Variants in PICALM observed in about 807,000 individuals in gnomAD.
PICALM encodes phosphatidylinositol binding clathrin assembly protein.
PICALM carries 40 observed loss-of-function variants against 80.5 expected under a neutral mutation model. The observed-to-expected ratio is 0.50, with a 90% CI of 0.39 to 0.65. PICALM has a LOEUF of 0.65. Ranked by LOEUF, PICALM falls within the 30% of genes least tolerant of loss-of-function variation. The pLI, the probability that PICALM is intolerant of heterozygous loss-of-function variation, is 0.00. For missense variants in PICALM, 676 were observed against 778.9 expected, an observed-to-expected ratio of 0.87 and a Z score of 1.57; for synonymous variants, 288 against 260.3, an observed-to-expected ratio of 1.11 and a Z score of -1.02.
chr11:86,033,700 A>T (rs185645201), intron 1 of PICALM, among the ~76,000 whole-genome samples: 1 of 152,258 alleles, frequency 6.6e-6, no homozygotes, highest in East Asian at 1.9e-4. Flanking sequence ...TTCTCTCTCA[A>T]TTAAAATGTT....
At position 85,957,338 on chromosome 11, in the gene PICALM, G is replaced by C. The variant is rs1354785070; in HGVS notation, c.*1708C>G. On this transcript the variant is annotated 3_prime_UTR_variant, in exon 20 of 20. Transcript: ENST00000393346. ...TCTGAACCCTATGCACTACTAAATA[G>C]GCAATATGATACAATCAAAGGTTTC... 1.3e-5 allele frequency among the ~76,000 whole-genome samples: 2 copies of C among 152,118 alleles called. No homozygotes were observed. Among genetic ancestry groups the C allele is most frequent in the African/African-American group, 4.8e-5 (2 of 41,428 alleles).
chr11:86,048,734 A>G (rs1337117339), intron 1 of PICALM, among the ~76,000 whole-genome samples: 2 of 150,708 alleles, frequency 1.3e-5, no homozygotes, highest in Non-Finnish European at 2.9e-5. Flanking sequence ...CGGGAGGCTG[A>G]GGCAGGAGAA....
intron 1 of PICALM, among the ~76,000 whole-genome samples, chr11:86,041,471 G>A (rs2095966296): frequency 6.6e-6 from 1 of 152,078 alleles, no homozygotes; most frequent in Non-Finnish European, 1.5e-5. Context: ...CATTTTCCTG[G>A]CAGAGAAAGG....
chr11:86,049,279 T>C (rs2096134619), intron 1 of PICALM, among the ~76,000 whole-genome samples: 1 of 151,840 alleles, frequency 6.6e-6, no homozygotes, highest in African/African-American at 2.4e-5. Context: ...CAAGACTGTC[T>C]CAAAAAAACA....
chr11:85,963,306 T>C (rs1169053405), intron 19 of PICALM, among the ~76,000 whole-genome samples: 1 of 152,176 alleles, frequency 6.6e-6, no homozygotes, highest in Non-Finnish European at 1.5e-5. Context: ...CAAATCATAA[T>C]TGATCTTTCC....
At position 85,990,503 on chromosome 11, in the gene PICALM, T is replaced by C. The variant is rs1397814278; in HGVS notation, c.1259-104A>G. On this transcript the variant is annotated intron_variant, in intron 12 of 19. Transcript: ENST00000393346. ...AAGTGAAAAGTAGTAACTATATTAT[T>C]GTTTATTAATCTTAAATATCTAAAT... 5 of 536,510 alleles carry C rather than the reference T, an allele frequency of 9.3e-6. No homozygotes were observed. The South Asian group carries it at 2.0e-4, about 21-fold the overall frequency. The allele number at this position is 536,510 out of a possible 1,614,324, so 33.2% of individuals were successfully genotyped here.
At chr11:85,995,585 C>T (rs1162797751) in intron 12 of PICALM, among the ~76,000 whole-genome samples, 1 of 152,054 alleles carries the variant, frequency 6.6e-6, no homozygotes, top group South Asian at 2.1e-4. Flanking sequence ...TTTTATTTGG[C>T]CTTCTATAAA....
At chr11:85,980,303 C>A (rs1245113588) in intron 17 of PICALM, among the ~76,000 whole-genome samples, 1 of 152,202 alleles carries the variant, frequency 6.6e-6, no homozygotes, top group East Asian at 1.9e-4. Flanking sequence ...GCCAGCTGGA[C>A]AGGGCTAAAA....
chr11:86,043,911 T>A (rs1475172885), intron 1 of PICALM, among the ~76,000 whole-genome samples: 1 of 152,154 alleles, frequency 6.6e-6, no homozygotes, highest in African/African-American at 2.4e-5. Context: ...GCTCCCTCAC[T>A]CAGAAAACAC....
intron 19 of PICALM, among the ~76,000 whole-genome samples, chr11:85,968,157 C>G (rs2093969670): frequency 6.6e-6 from 1 of 152,086 alleles, no homozygotes; most frequent in African/African-American, 2.4e-5. Context: ...TATGCTTGCT[C>G]TACAAAAAAT....
chr11:86,038,865 C>A (rs1381050524), intron 1 of PICALM, among the ~76,000 whole-genome samples: 2 of 151,350 alleles, frequency 1.3e-5, no homozygotes, highest in African/African-American at 4.9e-5. Context: ...AATCCCAGTA[C>A]GTTGGGGGTC....
At chr11:86,002,833 T>C (rs1161798506) in intron 9 of PICALM, among the ~76,000 whole-genome samples, 3 of 152,094 alleles carry the variant, frequency 2.0e-5, no homozygotes, top group South Asian at 2.1e-4. Context: ...CTCAACATGG[T>C]GAAACCCTGT....
intron 1 of PICALM, among the ~76,000 whole-genome samples, chr11:86,035,714 G>A (rs921254015): frequency 9.2e-5 from 14 of 151,756 alleles, no homozygotes; most frequent in African/African-American, 2.4e-4. Flanking sequence ...AGGCCGAGGC[G>A]GGCGGACTAC....
chr11:85,970,955 A>C (rs1397799454), intron 19 of PICALM, among the ~76,000 whole-genome samples: 1 of 152,232 alleles, frequency 6.6e-6, no homozygotes, highest in African/African-American at 2.4e-5. Context: ...AGTGTGAATA[A>C]AGAGGTTCCA....
chr11:85,959,633 C>CAAAAA lies in PICALM; in HGVS notation c.1945-578_1945-574dup, dbSNP rs1161064257. ...GGGAGACAAGAGCGAAACTCCATCT[C>CAAAAA]AAAAAAAAAAAAAAAAAAAAAAAGC... On this transcript the variant is annotated intron_variant, in intron 19 of 19. Coordinates refer to ENST00000393346, the MANE Select transcript of PICALM (RefSeq NM_007166.4). Among the ~76,000 whole-genome samples the CAAAAA allele has an allele frequency of 3.0e-3, 137 of 45,098 alleles. 8 individuals carry two copies. The highest frequency in any genetic ancestry group is 7.6e-3 in the African/African-American group (77 of 10,182). 29.6% of individuals were successfully genotyped at this position (45,098 alleles called of 152,430 possible). A position where few individuals can be genotyped will look rare whatever the true frequency, so the allele number is the denominator to read the frequency against.
chr11:85,973,923 G>T (rs1479907261), intron 19 of PICALM, among the ~76,000 whole-genome samples: 1 of 152,012 alleles, frequency 6.6e-6, no homozygotes, highest in African/African-American at 2.4e-5. Context: ...TACGAGCAGA[G>T]CCACAGACAC....
intron 19 of PICALM, among the ~76,000 whole-genome samples, chr11:85,966,831 T>C (rs949154273): frequency 6.6e-6 from 1 of 152,130 alleles, no homozygotes; most frequent in Non-Finnish European, 1.5e-5. Flanking sequence ...TGGCTACAGA[T>C]GCAAACTATG....
chr11:86,059,794 G>GGTTT, intron 1 of PICALM, among the ~76,000 whole-genome samples: 1 of 151,968 alleles, frequency 6.6e-6, no homozygotes, highest in Non-Finnish European at 1.5e-5. Flanking sequence ...AAAGGCTAAC[G>GGTTT]GTTTGGTAGT....
intron 1 of PICALM, among the ~76,000 whole-genome samples, chr11:86,054,973 T>C (rs998578184): frequency 6.6e-6 from 1 of 152,116 alleles, no homozygotes; most frequent in Non-Finnish European, 1.5e-5. Context: ...CTGTCACCAT[T>C]TTTCCTTAGC....
Sources: gnomAD v4.1 joint callset for allele counts (sites outside exome capture counted in the v4.1 genomes callset) on GRCh38, gnomAD v4.1.1 for gene constraint, MANE v1.5 for transcripts, NCBI Gene and HGNC (gene_info 2026-07-23, HGNC 2026-07-21) for gene names.